KAT2B: variants seen among roughly 807,000 people sequenced by gnomAD.
KAT2B encodes lysine acetyltransferase 2B.
KAT2B carries 36 observed loss-of-function variants against 105.9 expected under a neutral mutation model. The ratio of observed to expected loss-of-function variants is 0.34; its 90% CI spans 0.26 to 0.45. The LOEUF is 0.45. KAT2B is among the 20% of genes least tolerant of loss of function. The pLI, the probability that KAT2B is intolerant of heterozygous loss-of-function variation, is 1.00. For synonymous variants in KAT2B, 397 were observed against 377.9 expected, an observed-to-expected ratio of 1.05 and a Z score of -0.59; for missense variants, 820 against 1,021.6, an observed-to-expected ratio of 0.80 and a Z score of 2.69.
chr3:20,067,731 G>A (rs1324331698), intron 1 of KAT2B, among the ~76,000 whole-genome samples: 3 of 152,074 alleles, frequency 2.0e-5, no homozygotes, highest in African/African-American at 7.2e-5. Context: ...CTGGAGTGCA[G>A]TGGTGCGATC....
chr3:20,051,491 G>A (rs56768621), intron 1 of KAT2B, among the ~76,000 whole-genome samples: 36,669 of 152,140 alleles, frequency 0.24, 4,511 homozygotes, highest in Middle Eastern at 0.3. Context: ...GAGCCATGCA[G>A]AACCATACAT....
intron 4 of KAT2B, among the ~76,000 whole-genome samples, 200 bp downstream of exon 4, chr3:20,100,154 G>A (rs1231848396): frequency 6.6e-6 from 1 of 152,098 alleles, no homozygotes; most frequent in East Asian, 1.9e-4. Context: ...TGCCTTTTAG[G>A]GTTGTTACAT....
At chr3:20,061,987 A>T (rs1466583556) in intron 1 of KAT2B, among the ~76,000 whole-genome samples, 1 of 56,068 alleles carries the variant, frequency 1.8e-5, no homozygotes, top group Admixed American at 2.5e-4. Flanking sequence ...TATAAAACAT[A>T]TAATATATAA....
intron 6 of KAT2B, among the ~76,000 whole-genome samples, chr3:20,113,867 GTGTTTT>G (rs1174482395): frequency 2.0e-5 from 3 of 152,118 alleles, no homozygotes; most frequent in South Asian, 2.1e-4. Flanking sequence ...TATTTACAAA[GTGTTTT>G]TGTTTTTGTT....
At chr3:20,112,464 A>G (rs1181188762) in intron 6 of KAT2B, among the ~76,000 whole-genome samples, 1 of 152,232 alleles carries the variant, frequency 6.6e-6, no homozygotes, top group Non-Finnish European at 1.5e-5. Context: ...GCAGTGCTGC[A>G]CCATTGGCCT....
At chr3:20,120,720 T>TG (rs1425830359) in intron 8 of KAT2B, among the ~76,000 whole-genome samples, 1 of 152,204 alleles carries the variant, frequency 6.6e-6, no homozygotes, top group African/African-American at 2.4e-5. Context: ...AAAATATCTC[T>TG]TGAGCCTAGA....
chr3:20,050,705 CT>C (rs769997231), intron 1 of KAT2B, among the ~76,000 whole-genome samples: 29,943 of 142,210 alleles, frequency 0.21, 2,950 homozygotes, highest in Middle Eastern at 0.28. Flanking sequence ...TGGGATGAAT[CT>C]TTTTTTTTTT....
At chr3:20,147,733 G>C (rs1245896775) in intron 14 of KAT2B, among the ~76,000 whole-genome samples, 2 of 152,150 alleles carry the variant, frequency 1.3e-5, no homozygotes, top group Admixed American at 1.3e-4. Flanking sequence ...CTGAAAGGTT[G>C]GTGTTCCTGC....
At chr3:20,135,349 A>G (rs892436311) in intron 11 of KAT2B, among the ~76,000 whole-genome samples, 4 of 152,108 alleles carry the variant, frequency 2.6e-5, no homozygotes, top group Non-Finnish European at 5.9e-5. Context: ...TATATTAGAA[A>G]AAACTCCGAA....
At chr3:20,151,676 T>C (rs1278390560) in intron 17 of KAT2B, among the ~76,000 whole-genome samples, 1 of 152,198 alleles carries the variant, frequency 6.6e-6, no homozygotes, top group East Asian at 1.9e-4. Context: ...AATACTACAA[T>C]TTAAAGCAAG....
intron 11 of KAT2B, among the ~76,000 whole-genome samples, chr3:20,135,466 A>C (rs1453399911): frequency 6.6e-6 from 1 of 152,124 alleles, no homozygotes; most frequent in East Asian, 1.9e-4. Flanking sequence ...TATCCTGGCT[A>C]ACACAGTGAA....
intron 6 of KAT2B, among the ~76,000 whole-genome samples, chr3:20,114,213 A>G (rs909597868): frequency 3.3e-5 from 5 of 152,204 alleles, no homozygotes; most frequent in African/African-American, 1.2e-4. Context: ...TAAAGTTAGC[A>G]TAGTAATTAA....
intron 1 of KAT2B, among the ~76,000 whole-genome samples, chr3:20,058,387 GGACATTGCAGTGAGCC>G (rs1698037303): frequency 6.7e-6 from 1 of 148,862 alleles, no homozygotes; most frequent in African/African-American, 2.5e-5. Context: ...CCTGGGAGGC[GGACATTGCAGTGAGCC>G]GAGATTGCGC....
At chr3:20,100,362 CA>C (rs2125198279) in intron 4 of KAT2B, among the ~76,000 whole-genome samples, 1 of 151,810 alleles carries the variant, frequency 6.6e-6, no homozygotes, top group South Asian at 2.1e-4. Flanking sequence ...GTAAGTCAAG[CA>C]AAAAAAGCAA....
At chr3:20,074,818 T>C (rs114238475) in intron 2 of KAT2B, among the ~76,000 whole-genome samples, 1 of 152,292 alleles carries the variant, frequency 6.6e-6, no homozygotes, top group Non-Finnish European at 1.5e-5. Flanking sequence ...AGGATTTAAA[T>C]ACCCTGTGGA....
chr3:20,072,731 CTAGT>C (rs1698347760), intron 2 of KAT2B, among the ~76,000 whole-genome samples: 1 of 152,194 alleles, frequency 6.6e-6, no homozygotes, highest in South Asian at 2.1e-4. Flanking sequence ...GACAATCGAG[CTAGT>C]TAGCATGAAT....
intron 2 of KAT2B, among the ~76,000 whole-genome samples, chr3:20,076,638 C>T (rs1698424617): frequency 6.6e-6 from 1 of 152,188 alleles, no homozygotes; most frequent in African/African-American, 2.4e-5. Flanking sequence ...TGATTATTTA[C>T]ATTTGCCAAT....
chr3:20,126,265 C>A (rs1575149205), intron 10 of KAT2B, 152 bp downstream of exon 10: 3 of 659,850 alleles, frequency 4.5e-6, no homozygotes, highest in East Asian at 5.5e-5. Flanking sequence ...ATTTTCATGT[C>A]TGAAAGTGCT....
chr3:20,077,599 A>G (rs1041196110), intron 2 of KAT2B, among the ~76,000 whole-genome samples: 7 of 152,350 alleles, frequency 4.6e-5, no homozygotes, highest in African/African-American at 1.7e-4. Flanking sequence ...TATATTTTAT[A>G]TTGATTATAT....
Sources: gnomAD v4.1 joint callset for allele counts (sites outside exome capture counted in the v4.1 genomes callset) on GRCh38, gnomAD v4.1.1 for gene constraint, MANE v1.5 for transcripts, NCBI Gene and HGNC (gene_info 2026-07-23, HGNC 2026-07-21) for gene names.